CELSR1: variants seen among roughly 807,000 people sequenced by gnomAD.
CELSR1 encodes the protein adhesion G protein-coupled receptor C1.
CELSR1 carries 110 observed loss-of-function variants against 249.1 expected under a neutral mutation model. The observed-to-expected ratio is 0.44, with a 90% CI of 0.38 to 0.52. CELSR1 has a LOEUF of 0.52. CELSR1 is among the 20% of genes least tolerant of loss of function. The pLI is 0.00. For synonymous variants in CELSR1, 2,113 were observed against 1,900.0 expected (o/e 1.11, Z -2.92); for missense variants, 4,109 against 4,296.4 (o/e 0.96, Z 1.22).
intron 2 of CELSR1, among the ~76,000 whole-genome samples, chr22:46,450,982 G>C (rs1360059243): frequency 6.6e-6 from 1 of 152,120 alleles, no homozygotes; most frequent in African/African-American, 2.4e-5. Context: ...ACTGGTCCCT[G>C]TTCCTCCTGT....
chr22:46,388,217 C>T (rs112320273), intron 18 of CELSR1, among the ~76,000 whole-genome samples: 2,253 of 152,110 alleles, frequency 0.015, 54 homozygotes, highest in African/African-American at 0.051. Context: ...GGCGTGGTGG[C>T]GGGCGCCTGT....
intron 18 of CELSR1, 41 bp downstream of exon 18, chr22:46,389,249 C>T (rs781247563): frequency 3.8e-6 from 6 of 1,581,158 alleles, no homozygotes; most frequent in Non-Finnish European, 5.1e-6. Flanking sequence ...ATCCGAGTGT[C>T]CCCGAGTGTC....
intron 1 of CELSR1, among the ~76,000 whole-genome samples, chr22:46,498,530 T>C (rs1177174851): frequency 6.6e-6 from 1 of 151,218 alleles, no homozygotes; most frequent in Non-Finnish European, 1.5e-5. Flanking sequence ...GGAGAGTCAC[T>C]TGAATCCAGG....
At position 46,398,618 on chromosome 22, in the gene CELSR1, C is replaced by G. The variant is rs187764715; in HGVS notation, c.5432G>C (p.Gly1811Ala). Residue 1811 changes from glycine to alanine, a missense_variant, in exon 11 of 35, where the codon GGC becomes GCC. This residue lies in a region of CELSR1 where 1,805 missense variants were observed against 1,831.6 expected (regional missense o/e 0.99). Transcript: ENST00000674500. The surrounding 1 kb of genome is among the most constrained non-coding windows in gnomAD (Gnocchi z 7.2). ...CCTTACCGTCAGCCCGGGAAGCATG[C>G]CCCCGATATCTGCCTTGTTCTGTGC... ...GMDQNKADIG[G>A]MLPGLTVRSV... is the part of the protein sequence containing the mutation. 196 of 1,613,654 alleles carry G rather than the reference C, an allele frequency of 1.2e-4. No individual in the cohort carries two copies. Among genetic ancestry groups the G allele is most frequent in the Non-Finnish European group, 1.6e-4 (189 of 1,179,840 alleles).
chr22:46,534,432 C>T lies in CELSR1; in HGVS notation c.2739G>A (p.Gln913=), dbSNP rs1170799840. The T allele has an allele frequency of 6.2e-7, 1 of 1,612,874 alleles. No individual in the cohort carries two copies. The highest frequency in any genetic ancestry group is 8.5e-7 in the Non-Finnish European group (1 of 1,180,040). The change falls in exon 1 of 35, where the codon CAG becomes CAA. Residue 913 remains glutamine (Q), a synonymous_variant. Transcript: ENST00000674500. The surrounding 1 kb of genome is among the most constrained non-coding windows in gnomAD (Gnocchi z 9.7). ...CTGAGTCCCGGTCCGTGGCAGAGAC[C>T]TGGAGGATGCTGGTCGAGGGTGGAG... ...EDAPPSTSIL[Q]VSATDRDSGP... is the part of the protein sequence containing the mutation.
At chr22:46,438,964 A>G (rs1244177657) in intron 3 of CELSR1, among the ~76,000 whole-genome samples, 13 of 152,160 alleles carry the variant, frequency 8.5e-5, no homozygotes, top group South Asian at 4.2e-4. Flanking sequence ...TGCCATGTTG[A>G]CTAGGCTGGT....
At chr22:46,502,584 G>C (rs2080477690) in intron 1 of CELSR1, among the ~76,000 whole-genome samples, 1 of 152,146 alleles carries the variant, frequency 6.6e-6, no homozygotes, top group Admixed American at 6.5e-5. Context: ...AAAGTCACTA[G>C]TGACAAAGCT....
chr22:46,398,469 T>C lies in CELSR1; in HGVS notation c.5526+55A>G, dbSNP rs2079174855. 7.6e-7 allele frequency: 1 copy of C among 1,323,338 alleles called. No individual in the cohort carries two copies. Among genetic ancestry groups the C allele is most frequent in the Non-Finnish European group, 1.1e-6 (1 of 946,976 alleles). 82.0% of individuals were successfully genotyped at this position (1,323,338 alleles called of 1,614,324 possible). Reference sequence around the variant, plus strand: ...GGAACCACCTATGGTGCTGCCAGCCTCGGAGCTGCCTGTGAGGGGCAGGCC... The same window carrying C: ...GGAACCACCTATGGTGCTGCCAGCCCCGGAGCTGCCTGTGAGGGGCAGGCC... On this transcript the variant is annotated intron_variant, in intron 11 of 34. Coordinates refer to ENST00000674500, the MANE Select transcript of CELSR1 (RefSeq NM_001378328.1). This position sits in a 1 kb window ranked among gnomAD's most constrained non-coding sequence, Gnocchi z 7.2.
chr22:46,385,973 G>A (rs1213528285), intron 19 of CELSR1, among the ~76,000 whole-genome samples: 4 of 109,268 alleles, frequency 3.7e-5, no homozygotes, highest in Admixed American at 7.9e-5. Context: ...CACCGCGCCC[G>A]GCTTTTTTTT....
chr22:46,474,201 G>A (rs1390435560), intron 1 of CELSR1, among the ~76,000 whole-genome samples: 1 of 152,188 alleles, frequency 6.6e-6, no homozygotes, highest in East Asian at 1.9e-4. Context: ...GGGCTGGGGA[G>A]AGCAGAGCCA....
In CELSR1 at chr22:46,364,658, C is replaced by T. The variant is rs576994858; in HGVS notation, c.8633G>A (p.Gly2878Asp). ...LAESDSEDPS[G>D]KPRLKVETKV... Reference sequence around the variant, plus strand: ...GGTCTCCACCTTCAGGCGGGGCTTGCCGCTGGGGTCCTCACTGTCACTCTC... The same window carrying T: ...GGTCTCCACCTTCAGGCGGGGCTTGTCGCTGGGGTCCTCACTGTCACTCTC... Residue 2878 changes from glycine to aspartate, a missense_variant, in exon 33 of 35, where the codon GGC (glycine) becomes GAC (aspartate). Gly to Asp is a moderately conservative substitution (Grantham distance 94, BLOSUM62 -1). Around this residue, in one of 7 missense-constraint regions of CELSR1, gnomAD observed 1,805 missense variants for 1,831.6 expected, o/e 0.99. Transcript: ENST00000674500. 6.8e-6 allele frequency: 11 copies of T among 1,612,536 alleles called. No individual in the cohort carries two copies. The highest frequency in any genetic ancestry group is 9.3e-6 in the Non-Finnish European group (11 of 1,179,924).
rs888070134 is a variant in CELSR1 at position 46,380,409 on chromosome 22, C to T, written c.7256+379G>A. Among the ~76,000 whole-genome samples the T allele has an allele frequency of 3.3e-5, 5 of 152,238 alleles. No individual in the cohort carries two copies. Among genetic ancestry groups the T allele is most frequent in the African/African-American group, 1.2e-4 (5 of 41,464 alleles). On this transcript the variant is annotated intron_variant, in intron 22 of 34. Coordinates refer to ENST00000674500, the MANE Select transcript of CELSR1 (RefSeq NM_001378328.1). This position sits in a 1 kb window ranked among gnomAD's most constrained non-coding sequence, Gnocchi z 5.1. ...TAGGCCAGTCTCTGGGTTCTGTCTCCCGTGTGTGACCGGAATGGGCCTGTC... is the reference window on the plus strand; with the variant it reads ...TAGGCCAGTCTCTGGGTTCTGTCTCTCGTGTGTGACCGGAATGGGCCTGTC...
Position 46,363,055 on chromosome 22 carries a change from G to A in CELSR1, c.*168C>T. 7.0e-7 allele frequency: 1 copy of A among 1,420,146 alleles called. No homozygotes were observed. Among genetic ancestry groups the A allele is most frequent in the Non-Finnish European group, 9.8e-7 (1 of 1,015,230 alleles). The allele number at this position is 1,420,146 out of a possible 1,614,324, so 88.0% of individuals were successfully genotyped here. On this transcript the variant is annotated 3_prime_UTR_variant, in exon 35 of 35. Coordinates refer to ENST00000674500, the MANE Select transcript of CELSR1 (RefSeq NM_001378328.1). The surrounding 1 kb of genome is among the most constrained non-coding windows in gnomAD (Gnocchi z 4.3). ...CAAGACCTTTGTGTCTGGATGATCA[G>A]TCGGGGGGCTGCCACCATGGGGACC...
intron 1 of CELSR1, among the ~76,000 whole-genome samples, chr22:46,513,953 C>A (rs1364717531): frequency 4.0e-5 from 6 of 151,260 alleles, no homozygotes; most frequent in Non-Finnish European, 7.4e-5. Flanking sequence ...CGCATCCACA[C>A]CCAGCTAATT....
intron 5 of CELSR1, among the ~76,000 whole-genome samples, chr22:46,414,972 T>C (rs2079382502): frequency 1.3e-5 from 2 of 151,486 alleles, no homozygotes; most frequent in African/African-American, 4.9e-5. Flanking sequence ...CACACAACGG[T>C]GCGGGGGTCC....
chr22:46,520,022 C>T (rs765879297), intron 1 of CELSR1, among the ~76,000 whole-genome samples: 1 of 152,086 alleles, frequency 6.6e-6, no homozygotes, highest in African/African-American at 2.4e-5. Context: ...CAGGCACCCG[C>T]TACCACATCC....
In CELSR1 at chr22:46,365,277, C is replaced by G; in HGVS notation, c.8508G>C (p.Glu2836Asp). 6.2e-7 allele frequency: 1 copy of G among 1,612,836 alleles called. No individual in the cohort carries two copies. The highest frequency in any genetic ancestry group is 8.5e-7 in the Non-Finnish European group (1 of 1,179,950). The change falls in exon 32 of 35, where the codon GAG (glutamate) becomes GAC (aspartate). Residue 2836 changes from glutamate (E) to aspartate (D), a missense_variant. Coordinates refer to ENST00000674500, the MANE Select transcript of CELSR1 (RefSeq NM_001378328.1). ...SDSEDDGVGA[E>D]EKWDPARGAV... ...CGCCCCTGGCCGGGTCCCATTTTTC[C>G]TCAGCTCCCACCCCATCGTCCTCGC...
At chr22:46,444,770 G>C (rs964503589) in intron 2 of CELSR1, among the ~76,000 whole-genome samples, 29 of 152,292 alleles carry the variant, frequency 1.9e-4, no homozygotes, top group African/African-American at 6.7e-4. Flanking sequence ...GCAGGGCCCA[G>C]CTCCCTCTGG....
At chr22:46,491,262 CTTT>C (rs58492957) in intron 1 of CELSR1, among the ~76,000 whole-genome samples, 8 of 118,552 alleles carry the variant, frequency 6.7e-5, no homozygotes, top group Admixed American at 8.9e-5. Flanking sequence ...CAGAAAGTCA[CTTT>C]TTTTTTTTTT....
Sources: gnomAD v4.1 joint callset for allele counts (sites outside exome capture counted in the v4.1 genomes callset) on GRCh38, gnomAD v4.1.1 for gene constraint, gnomAD v4.1.1 regional missense constraint, Gnocchi (gnomAD v3.1) non-coding constraint, MANE v1.5 for transcripts, NCBI Gene and HGNC (gene_info 2026-07-23, HGNC 2026-07-21) for gene names.